The following SBNO1 variants were observed in gnomAD, a reference collection of about 807,000 sequenced individuals.
The protein encoded by SBNO1 is protein strawberry notch homolog 1.
In SBNO1, 23 loss-of-function variants were observed where a neutral mutation model predicts 173.6. The ratio of observed to expected loss-of-function variants is 0.13; its 90% confidence interval spans 0.10 to 0.19. The LOEUF is 0.19. Ranked by LOEUF, SBNO1 falls within the 10% of genes least tolerant of loss-of-function variation. The pLI is 1.00. For missense variants in SBNO1, 1,238 were observed against 1,671.2 expected (o/e 0.74, Z 4.52); for synonymous variants, 632 against 571.5 (o/e 1.11, Z -1.51).
rs745700151 is a variant in SBNO1 at position 123,313,685 on chromosome 12, G to C, written c.3155C>G (p.Ser1052Cys). 3.7e-6 allele frequency: 6 copies of C among 1,609,512 alleles called. No homozygotes were observed. The highest frequency in any genetic ancestry group is 5.1e-6 in the Non-Finnish European group (6 of 1,176,668). The change falls in exon 24 of 32, where the codon TCC (serine) becomes TGC (cysteine). Residue 1052 changes from serine to cysteine, a missense_variant. Ser to Cys is a moderately radical substitution (Grantham distance 112). Transcript: ENST00000602398. Reference sequence around the variant, plus strand: ...CATAGGAGAATCCAAGTTTACAATGGATTTCATGACAATTTCTAAAGCATT... The same window carrying C: ...CATAGGAGAATCCAAGTTTACAATGCATTTCATGACAATTTCTAAAGCATT... ...GRNALEIVMK[S>C]IVNLDSPMVS...
chr12:123,305,775 T>C (rs117795901), intron 28 of SBNO1, among the ~76,000 whole-genome samples: 2 of 152,250 alleles, frequency 1.3e-5, no homozygotes, highest in Non-Finnish European at 2.9e-5. Context: ...GCCTGGCCTA[T>C]TTTTAACTTT....
chr12:123,319,608 C>G (rs550535875), intron 20 of SBNO1, among the ~76,000 whole-genome samples: 1 of 152,144 alleles, frequency 6.6e-6, no homozygotes, highest in East Asian at 1.9e-4. Flanking sequence ...GGGGTTTCAC[C>G]ATGCTGCCCA....
intron 5 of SBNO1, 32 bp from the exon 6 acceptor site, chr12:123,336,523 A>C: frequency 7.0e-7 from 1 of 1,427,874 alleles, no homozygotes; most frequent in Non-Finnish European, 9.7e-7. Flanking sequence ...ATCAATCCCA[A>C]ATCCAGGGAC....
chr12:123,293,402 A>C lies in SBNO1; in HGVS notation c.*2506T>G, dbSNP rs1402260593. 1 of 152,134 alleles carries C rather than the reference A, an allele frequency of 6.6e-6. No individual in the cohort carries two copies. The highest frequency in any genetic ancestry group is 1.5e-5 in the Non-Finnish European group (1 of 68,022). The allele number at this position is 152,134 out of a possible 1,614,324, so 9.4% of individuals were successfully genotyped here. ...TAACAGAAGAGGACCTTGAATGCTG[A>C]AGCTTCACAGGGCGGCCAAACTAAC... On this transcript the variant is annotated 3_prime_UTR_variant, in exon 32 of 32. Coordinates refer to ENST00000602398, the MANE Select transcript of SBNO1 (RefSeq NM_001167856.3).
At chr12:123,328,116 GGCC>G in intron 10 of SBNO1, 89 bp from the exon 11 acceptor site, 1 of 1,085,482 alleles carries the variant, frequency 9.2e-7, no homozygotes, top group Non-Finnish European at 1.3e-6. Context: ...ATTTCCCTGA[GGCC>G]TTCTGATTGC....
chr12:123,298,078 A>G lies in SBNO1; in HGVS notation c.3939T>C (p.Ser1313=), dbSNP rs1283802210. 6.2e-7 allele frequency: 1 copy of G among 1,613,598 alleles called. No individual in the cohort carries two copies. The highest frequency in any genetic ancestry group is 2.2e-5 in the East Asian group (1 of 44,880). ...TYYVLCGSVL[S]VWTKVEGVLA... is the part of the protein sequence containing the mutation. The stretch of plus-strand genomic sequence containing the variant: ...GAACACCCTCAACTTTTGTCCAGAC[A>G]CTCAGCACTGAACCACATAATACAT... The change falls in exon 31 of 32, where the codon AGT becomes AGC. Residue 1313 remains serine, a synonymous_variant. Coordinates refer to ENST00000602398, the MANE Select transcript of SBNO1 (RefSeq NM_001167856.3).
chr12:123,315,042 C>T (rs1014912668), intron 23 of SBNO1, among the ~76,000 whole-genome samples: 2 of 151,960 alleles, frequency 1.3e-5, no homozygotes, highest in Non-Finnish European at 2.9e-5. Flanking sequence ...AGCGCCTGGC[C>T]TTTATATATA....
intron 24 of SBNO1, among the ~76,000 whole-genome samples, chr12:123,313,254 A>AAATG (rs1868836487): frequency 6.8e-6 from 1 of 147,172 alleles, no homozygotes; most frequent in Admixed American, 6.8e-5. Context: ...ATAAATAAAT[A>AAATG]ATTTTTAAAA....
At position 123,295,016 on chromosome 12, in the gene SBNO1, A is replaced by G. The variant is rs2048573034; in HGVS notation, c.*892T>C. 1 of 152,278 alleles carries G rather than the reference A, an allele frequency of 6.6e-6. No homozygotes were observed. Among genetic ancestry groups the G allele is most frequent in the African/African-American group, 2.4e-5 (1 of 41,476 alleles). The allele number at this position is 152,278 out of a possible 1,614,324, so 9.4% of individuals were successfully genotyped here. ...AAAAAACGATTGTTTGCAAGATGAA[A>G]GCCAATTTGTACTTCCTTCTAAAAC... On this transcript the variant is annotated 3_prime_UTR_variant, in exon 32 of 32. Coordinates refer to ENST00000602398, the MANE Select transcript of SBNO1 (RefSeq NM_001167856.3).
At chr12:123,330,728 G>C (rs1871116212) in intron 8 of SBNO1, among the ~76,000 whole-genome samples, 1 of 152,002 alleles carries the variant, frequency 6.6e-6, no homozygotes, top group Non-Finnish European at 1.5e-5. Context: ...TTGAGCCCAG[G>C]AGTTCGAGAC....
chr12:123,334,347 A>T, intron 6 of SBNO1, 134 bp from the exon 7 acceptor site: 1 of 605,252 alleles, frequency 1.7e-6, no homozygotes, highest in Admixed American at 3.6e-5. Flanking sequence ...GAGCTTCCAT[A>T]AAAAGTAACT....
intron 1 of SBNO1, among the ~76,000 whole-genome samples, chr12:123,362,660 T>C (rs1324792182): frequency 6.8e-6 from 1 of 146,800 alleles, no homozygotes; most frequent in Admixed American, 7.0e-5. Flanking sequence ...TCCCAGCTAC[T>C]AGGGAGACTG....
At position 123,348,843 on chromosome 12, in the gene SBNO1, C is replaced by T. The variant is rs536860917; in HGVS notation, c.133-710G>A. Among the ~76,000 whole-genome samples, 3 of 151,852 alleles carry T rather than the reference C, an allele frequency of 2.0e-5. No homozygotes were observed. In the South Asian group the frequency reaches 6.3e-4, roughly 32 times the overall value. On this transcript the variant is annotated intron_variant, in intron 2 of 31. Coordinates refer to ENST00000602398, the MANE Select transcript of SBNO1 (RefSeq NM_001167856.3). ...GGCTTGGCGGCGGCCCCCTGTAATC[C>T]CAGCTACTCGGGAGGCTGAGGTGGG...
chr12:123,363,233 A>G (rs1875598893), intron 1 of SBNO1, among the ~76,000 whole-genome samples: 1 of 152,216 alleles, frequency 6.6e-6, no homozygotes, highest in Non-Finnish European at 1.5e-5. Context: ...GATGAGAGAA[A>G]ATGTTCCCTT....
At chr12:123,349,517 ATC>A (rs1379094942) in intron 2 of SBNO1, among the ~76,000 whole-genome samples, 3 of 152,232 alleles carry the variant, frequency 2.0e-5, no homozygotes, top group Non-Finnish European at 4.4e-5. Flanking sequence ...AACACTAAAC[ATC>A]TCTTACACTA....
rs2048486576 is a variant in SBNO1, at chr12:123,289,935, A to G, written c.*5973T>C. On this transcript the variant is annotated 3_prime_UTR_variant, in exon 32 of 32. Coordinates refer to ENST00000602398, the MANE Select transcript of SBNO1 (RefSeq NM_001167856.3). ...ATCTGCCCAGGCACAAATGGGCCAC[A>G]AGGGCAGGGTACTGGTTAGGGGCCC... is the stretch of plus-strand genomic sequence containing the variant. The G allele has an allele frequency of 6.6e-6, 1 of 152,300 alleles. No individual in the cohort carries two copies. The highest frequency in any genetic ancestry group is 2.4e-5 in the African/African-American group (1 of 41,478). 9.4% of individuals were successfully genotyped at this position (152,300 alleles called of 1,614,324 possible). A position where few individuals can be genotyped will look rare whatever the true frequency, so the allele number is the denominator to read the frequency against.
intron 1 of SBNO1, among the ~76,000 whole-genome samples, chr12:123,361,377 C>G (rs1405634361): frequency 6.6e-6 from 1 of 151,852 alleles, no homozygotes; most frequent in Non-Finnish European, 1.5e-5. Flanking sequence ...GCAGAAACCC[C>G]GTCTCTACTA....
chr12:123,324,786 T>C (rs561957550), intron 15 of SBNO1, among the ~76,000 whole-genome samples: 11 of 152,306 alleles, frequency 7.2e-5, no homozygotes, highest in Middle Eastern at 6.8e-3. Flanking sequence ...TATTTTCAAC[T>C]TTTAAAGTAG....
At chr12:123,323,643 C>T (rs765112164) in intron 16 of SBNO1, 37 bp downstream of exon 16, 20 of 1,535,298 alleles carry the variant, frequency 1.3e-5, no homozygotes, top group African/African-American at 4.2e-5. Context: ...TGTGAGCCAC[C>T]GCACCTGGCC....
Sources: gnomAD v4.1 joint callset for allele counts (sites outside exome capture counted in the v4.1 genomes callset) on GRCh38, gnomAD v4.1.1 for gene constraint, MANE v1.5 for transcripts, NCBI Gene and HGNC (gene_info 2026-07-23, HGNC 2026-07-21) for gene names.